The following ERICH1 variants were observed in gnomAD, a reference collection of about 807,000 sequenced individuals.
ERICH1 encodes glutamate-rich protein 1.
Under a neutral mutation model 39.6 loss-of-function variants are expected in ERICH1, and 56 were observed. The observed-to-expected ratio is 1.41, with a 90% CI of 1.14 to 1.77. ERICH1 has a LOEUF of 1.77. Ranked by LOEUF, ERICH1 falls within the 40% of genes most tolerant of loss-of-function variation. The pLI is 0.00. For missense variants in ERICH1, 826 were observed against 575.4 expected (o/e 1.44, Z -4.45); for synonymous variants, 313 against 223.6 (o/e 1.40, Z -3.57).
At chr8:660,271 G>C (rs556460963), downstream of ERICH1, among the ~76,000 whole-genome samples, 1 of 152,376 alleles carries the variant, frequency 6.6e-6, no homozygotes, top group Middle Eastern at 3.4e-3. Flanking sequence ...ATGAGGCTTG[G>C]CAGTTGTTAT....
intron 3 of ERICH1, among the ~76,000 whole-genome samples, chr8:636,720 G>A (rs1053532324): frequency 6.6e-6 from 1 of 152,246 alleles, no homozygotes; most frequent in Non-Finnish European, 1.5e-5. Context: ...TGACCTCTGG[G>A]GAGGAACGGT....
chr8:669,938 G>A (rs1000094993), intron 4 of ERICH1, among the ~76,000 whole-genome samples: 2 of 152,222 alleles, frequency 1.3e-5, no homozygotes, highest in Admixed American at 1.3e-4. Context: ...TGTAACAATG[G>A]TGTAAAACTC....
chr8:697,967 T>C (rs1372135666), intron 2 of ERICH1, among the ~76,000 whole-genome samples: 1 of 152,058 alleles, frequency 6.6e-6, no homozygotes, highest in East Asian at 2.0e-4. Flanking sequence ...CACAAATCCC[T>C]GCGTCTGGGG....
chr8:654,657 T>C (rs1800386915), intron 3 of ERICH1, among the ~76,000 whole-genome samples: 1 of 152,168 alleles, frequency 6.6e-6, no homozygotes, highest in Non-Finnish European at 1.5e-5. Context: ...CCTCCCACTG[T>C]CTACCAGAGA....
chr8:619,552 C>G (rs1016517199), intron 3 of ERICH1, among the ~76,000 whole-genome samples: 1 of 151,958 alleles, frequency 6.6e-6, no homozygotes, highest in Admixed American at 6.6e-5. Flanking sequence ...CAGTATCCAC[C>G]GGGGGAAGAA....
rs369642140 is a variant in ERICH1, at chr8:669,037, A to G, written c.1064-245T>C. On this transcript the variant is annotated intron_variant, in intron 4 of 5. Coordinates refer to ENST00000262109, the MANE Select transcript of ERICH1 (RefSeq NM_207332.3). ...TCTGGTGAGACGCCTCCCCTGGCCC[A>G]TCTACACCTCTGTCTGGTGAGACGC... 6.7e-3 allele frequency: 2,620 copies of G among 393,698 alleles called. 22 individuals are homozygous for G. The highest frequency in any genetic ancestry group is 0.036 in the African/African-American group (1,009 of 28,320). The allele number at this position is 393,698 out of a possible 1,614,324, so 24.4% of individuals were successfully genotyped here. A position where few individuals can be genotyped will look rare whatever the true frequency, so the allele number is the denominator to read the frequency against.
intron 3 of ERICH1, among the ~76,000 whole-genome samples, chr8:624,187 A>C (rs1042371177): frequency 2.6e-5 from 4 of 152,232 alleles, no homozygotes; most frequent in Non-Finnish European, 5.9e-5. Flanking sequence ...TCGAAACCAC[A>C]ATGAGACATC....
chr8:642,088 G>A (rs912034449), intron 3 of ERICH1, among the ~76,000 whole-genome samples: 1 of 152,208 alleles, frequency 6.6e-6, no homozygotes, highest in Non-Finnish European at 1.5e-5. Flanking sequence ...GGAAGGCCCA[G>A]AGATGATTTC....
At chr8:724,542 A>G (rs1818128245) in intron 1 of ERICH1, among the ~76,000 whole-genome samples, 1 of 152,116 alleles carries the variant, frequency 6.6e-6, no homozygotes, top group Non-Finnish European at 1.5e-5. Flanking sequence ...GGGACCTCAG[A>G]GCAGCCCACT....
intron 4 of ERICH1, among the ~76,000 whole-genome samples, chr8:671,286 C>T (rs13281948): frequency 7.2e-6 from 1 of 139,336 alleles, no homozygotes; most frequent in Non-Finnish European, 1.5e-5. Flanking sequence ...CGCGCTGGTC[C>T]CCAGGCTCCG....
chr8:628,683 G>T (rs1797736573), intron 3 of ERICH1, among the ~76,000 whole-genome samples: 1 of 152,194 alleles, frequency 6.6e-6, no homozygotes, highest in Non-Finnish European at 1.5e-5. Flanking sequence ...GCCAGAGGAG[G>T]ACGATGAGAT....
chr8:688,488 T>A (rs940566480), intron 3 of ERICH1, among the ~76,000 whole-genome samples: 3 of 151,620 alleles, frequency 2.0e-5, no homozygotes, highest in Non-Finnish European at 2.9e-5. Context: ...TAGGGTCAGC[T>A]CCTACAACGC....
At chr8:649,721 C>T in intron 3 of ERICH1, among the ~76,000 whole-genome samples, 1 of 152,192 alleles carries the variant, frequency 6.6e-6, no homozygotes, top group East Asian at 1.9e-4. Context: ...CTCCAAGGCC[C>T]TGTGGCCCCT....
At chr8:635,083 T>G (rs1162808771) in intron 3 of ERICH1, among the ~76,000 whole-genome samples, 1 of 150,154 alleles carries the variant, frequency 6.7e-6, no homozygotes, top group Non-Finnish European at 1.5e-5. Flanking sequence ...ACTCAAGGGG[T>G]TGCCGGAGCC....
At chr8:667,507 A>T (rs1223623911) in intron 5 of ERICH1, 3 of 152,894 alleles carry the variant, frequency 2.0e-5, no homozygotes, top group African/African-American at 7.2e-5. Context: ...CCAGCTCCTC[A>T]GCTAGGGAGC....
chr8:707,076 C>T (rs1813442719), intron 2 of ERICH1, among the ~76,000 whole-genome samples: 1 of 152,074 alleles, frequency 6.6e-6, no homozygotes, highest in Non-Finnish European at 1.5e-5. Context: ...CAATTCAAAA[C>T]TTAGTACACA....
chr8:641,674 G>A (rs948485785), intron 3 of ERICH1, among the ~76,000 whole-genome samples: 10 of 152,332 alleles, frequency 6.6e-5, no homozygotes, highest in South Asian at 4.1e-4. Flanking sequence ...CGCAGCGGCC[G>A]TCACGCCTGG....
chr8:709,417 G>T (rs1177792778), intron 2 of ERICH1, among the ~76,000 whole-genome samples: 1 of 152,204 alleles, frequency 6.6e-6, no homozygotes, highest in African/African-American at 2.4e-5. Flanking sequence ...TTCTCCGTGT[G>T]CCCACCAATC....
rs201882479 is a variant in ERICH1, at chr8:673,629, G to A, written c.723C>T (p.Asp241=). ...EEDGADASEE[D]LTRARQEEGA... ...CCTCTTCCTGCCTGGCCCGTGTCAGGTCTTCCTCGCTAGCGTCCGCACCAT... is the reference window on the plus strand; with the variant it reads ...CCTCTTCCTGCCTGGCCCGTGTCAGATCTTCCTCGCTAGCGTCCGCACCAT... The change falls in exon 4 of 6, where the codon GAC becomes GAT. Residue 241 remains aspartate, a synonymous_variant. Coordinates refer to ENST00000262109, the MANE Select transcript of ERICH1 (RefSeq NM_207332.3). 1 of 1,556,186 alleles carries A rather than the reference G, an allele frequency of 6.4e-7. No homozygotes were observed. The highest frequency in any genetic ancestry group is 2.3e-5 in the East Asian group (1 of 44,332).
Sources: allele counts gnomAD v4.1 joint callset (sites outside exome capture counted in the v4.1 genomes callset), GRCh38; gene constraint gnomAD v4.1.1; transcripts MANE v1.5; gene names NCBI Gene and HGNC (gene_info 2026-07-23, HGNC 2026-07-21).